NSD1: variants seen among roughly 807,000 people sequenced by gnomAD.
NSD1 encodes nuclear receptor binding SET domain protein 1.
NSD1 carries 26 observed loss-of-function variants against 242.7 expected under a neutral mutation model. That is an observed-to-expected ratio of 0.11 (90% CI 0.08 to 0.15). The LOEUF is 0.15. Ranked by LOEUF, NSD1 falls within the 10% of genes least tolerant of loss-of-function variation. The pLI is 1.00. For synonymous variants in NSD1, 1,106 were observed against 1,178.1 expected (o/e 0.94, Z 1.25); for missense variants, 2,495 against 3,272.8 (o/e 0.76, Z 5.80).
At chr5:177,153,758 CAT>C (rs1757912438) in intron 2 of NSD1, among the ~76,000 whole-genome samples, 1 of 152,098 alleles carries the variant, frequency 6.6e-6, no homozygotes, top group African/African-American at 2.4e-5. Flanking sequence ...TTGAAGAACT[CAT>C]ATCTACTACA....
rs138405802 is a variant in NSD1, at chr5:177,209,973, G to A, written c.1574G>A (p.Arg525Gln). Residue 525 changes from arginine to glutamine, a missense_variant, in exon 5 of 23, where the codon CGG (arginine) becomes CAG (glutamine). Around this residue, in one of 19 missense-constraint regions of NSD1, gnomAD observed 515 missense variants for 467.0 expected, o/e 1.10. Coordinates refer to ENST00000439151, the MANE Select transcript of NSD1 (RefSeq NM_022455.5). ...CAATTTGAAGCACATAAAGATGAAC[G>A]GAGGGGAAAGATTCCAGAGAACCTT... ...HIQFEAHKDE[R>Q]RGKIPENLGL... The A allele has an allele frequency of 1.6e-4, 255 of 1,614,092 alleles. 2 individuals carry two copies. In the African/African-American group the frequency reaches 3.0e-3, roughly 19 times the overall value.
upstream of NSD1, among the ~76,000 whole-genome samples, chr5:177,132,297 C>T (rs1158443961): frequency 6.6e-6 from 1 of 151,584 alleles, no homozygotes; most frequent in Non-Finnish European, 1.5e-5. This position sits in a 1 kb window ranked among gnomAD's most constrained non-coding sequence, Gnocchi z 7.5. Flanking sequence ...GGCGGTGGCA[C>T]GAGAGGGCCA....
rs2149843437 is a variant in NSD1, at chr5:177,210,076, A to G, written c.1677A>G (p.Thr559=). 1 of 1,613,910 alleles carries G rather than the reference A, an allele frequency of 6.2e-7. No individual in the cohort carries two copies. Residue 559 remains threonine, a synonymous_variant, in exon 5 of 23, where the codon ACA becomes ACG. Transcript: ENST00000439151. The stretch of plus-strand genomic sequence containing the variant: ...TTTCCAGGATAGCAAATAGCCTCAC[A>G]GGGTCCAACACTGCCCCAGGAAGTT... ...NELSRIANSL[T]GSNTAPGSFL...
At chr5:177,191,461 C>T (rs1028367476) in intron 2 of NSD1, among the ~76,000 whole-genome samples, 1 of 152,136 alleles carries the variant, frequency 6.6e-6, no homozygotes, top group Admixed American at 6.6e-5. Flanking sequence ...ATATCACATG[C>T]AGAAGGGTCT....
intron 14 of NSD1, 21 bp downstream of exon 14, chr5:177,260,189 C>G: frequency 1.2e-6 from 2 of 1,608,902 alleles, no homozygotes; most frequent in Non-Finnish European, 1.7e-6. Context: ...ATTTCTTCCT[C>G]TATTTGTAGT....
At chr5:177,262,233 T>C (rs1757052591) in intron 14 of NSD1, among the ~76,000 whole-genome samples, 1 of 152,206 alleles carries the variant, frequency 6.6e-6, no homozygotes, top group South Asian at 2.1e-4. Context: ...ATTATCTTTG[T>C]TATTACCCAC....
chr5:177,207,942 TTAG>T (rs1184362790), intron 4 of NSD1, among the ~76,000 whole-genome samples: 4 of 151,298 alleles, frequency 2.6e-5, no homozygotes, highest in African/African-American at 4.9e-5. Flanking sequence ...GTGTGTGTTT[TTAG>T]TAGAGACAGG....
intron 2 of NSD1, among the ~76,000 whole-genome samples, chr5:177,162,730 G>A (rs1052023189): frequency 5.9e-5 from 9 of 152,090 alleles, no homozygotes; most frequent in Non-Finnish European, 8.8e-5. Context: ...ATGCAGGCTG[G>A]ACTGCAGTGG....
intron 16 of NSD1, among the ~76,000 whole-genome samples, chr5:177,273,017 T>C (rs566774895): frequency 9.9e-5 from 15 of 152,270 alleles, no homozygotes; most frequent in Non-Finnish European, 1.9e-4. Context: ...AACTTTGACT[T>C]TCTGCCAGAG....
At chr5:177,250,798 C>T (rs11135012) in intron 11 of NSD1, among the ~76,000 whole-genome samples, 7,401 of 152,202 alleles carry the variant, frequency 0.049, 199 homozygotes, top group South Asian at 0.082. Context: ...AGCTTTGATT[C>T]TTAAGTGATC....
chr5:177,267,753 A>G (rs372649300), intron 15 of NSD1, 35 bp downstream of exon 15: 73 of 1,606,420 alleles, frequency 4.5e-5, no homozygotes, highest in Non-Finnish European at 5.9e-5. Context: ...CTCTTTTACC[A>G]TCCTCTGTTT....
chr5:177,273,543 A>T, intron 16 of NSD1, 129 bp from the exon 17 acceptor site: 2 of 725,276 alleles, frequency 2.8e-6, no homozygotes, highest in Non-Finnish European at 5.0e-6. Flanking sequence ...TTTTTCATAT[A>T]GCATTGGTCG....
At position 177,297,854 on chromosome 5, in the gene NSD1, T is replaced by C. The variant is rs113322699; in HGVS notation, c.*2395T>C. 315 of 233,140 alleles carry C rather than the reference T, an allele frequency of 1.4e-3. 2 individuals are homozygous for C. The highest frequency in any genetic ancestry group is 2.1e-3 in the Admixed American group (37 of 17,774). The allele number at this position is 233,140 out of a possible 1,614,324, so 14.4% of individuals were successfully genotyped here. A position where few individuals can be genotyped will look rare whatever the true frequency, so the allele number is the denominator to read the frequency against. ...TGTGGTTTTATTTTGGTTCTTTCCA[T>C]TCTCCGCCATTCATTGGAGGCTTCG... is the stretch of plus-strand genomic sequence containing the variant. On this transcript the variant is annotated 3_prime_UTR_variant, in exon 23 of 23. Transcript: ENST00000439151.
At chr5:177,140,878 T>A (rs1756750783) in intron 2 of NSD1, among the ~76,000 whole-genome samples, 1 of 152,114 alleles carries the variant, frequency 6.6e-6, no homozygotes, top group Non-Finnish European at 1.5e-5. Flanking sequence ...CAAAAATGAT[T>A]CCTCAGAGGT....
At chr5:177,236,057 T>C in intron 6 of NSD1, 112 bp downstream of exon 6, 1 of 1,200,928 alleles carries the variant, frequency 8.3e-7, no homozygotes, top group Non-Finnish European at 1.2e-6. Flanking sequence ...TGAGATCTTG[T>C]TTTTTATTCT....
chr5:177,244,112 T>C, intron 8 of NSD1, 83 bp from the exon 9 acceptor site: 1 of 987,400 alleles, frequency 1.0e-6, no homozygotes, highest in Non-Finnish European at 1.6e-6. Context: ...CCATGGCAGC[T>C]GACAATTCAG....
intron 5 of NSD1, among the ~76,000 whole-genome samples, chr5:177,232,963 G>A (rs1305630348): frequency 1.3e-5 from 2 of 152,226 alleles, no homozygotes; most frequent in East Asian, 3.8e-4. Context: ...GGATGACTAG[G>A]ACAGAGTAAC....
At chr5:177,147,057 G>C (rs779973979) in intron 2 of NSD1, among the ~76,000 whole-genome samples, 1 of 150,780 alleles carries the variant, frequency 6.6e-6, no homozygotes, top group Non-Finnish European at 1.5e-5. Context: ...AAGGATCCCT[G>C]CTGTTGCCAG....
intron 2 of NSD1, among the ~76,000 whole-genome samples, chr5:177,185,709 T>C (rs1189150445): frequency 1.8e-5 from 2 of 111,460 alleles, no homozygotes; most frequent in Non-Finnish European, 3.4e-5. Context: ...ATAATATATA[T>C]ACATTATATA....
Sources: allele counts gnomAD v4.1 joint callset (sites outside exome capture counted in the v4.1 genomes callset), GRCh38; gene constraint gnomAD v4.1.1; regional missense constraint gnomAD v4.1.1; non-coding constraint Gnocchi (gnomAD v3.1); transcripts MANE v1.5; gene names NCBI Gene and HGNC (gene_info 2026-07-23, HGNC 2026-07-21).